TOMM40: variants seen among roughly 807,000 people sequenced by gnomAD.
TOMM40 encodes translocase of outer mitochondrial membrane 40, also known as mitochondrial import receptor subunit TOM40 homolog.
Under a neutral mutation model 38.4 loss-of-function variants are expected in TOMM40, and 9 were observed. The observed-to-expected ratio is 0.23, with a 90% CI of 0.14 to 0.41. The LOEUF (loss-of-function observed/expected upper bound fraction) is 0.41. Ranked by LOEUF, TOMM40 falls within the 10% of genes least tolerant of loss-of-function variation. The probability of loss-of-function intolerance (pLI) is 1.00; values close to 1 mark genes in which losing one functional copy is unlikely to be tolerated. For missense variants in TOMM40, 299 were observed against 486.5 expected (o/e 0.61, Z 3.63); for synonymous variants, 184 against 210.0 (o/e 0.88, Z 1.07).
intron 7 of TOMM40, 36 bp from the exon 8 acceptor site, chr19:44,901,168 GCCAC>G: frequency 6.2e-7 from 1 of 1,613,794 alleles, no homozygotes; most frequent in South Asian, 1.1e-5. Flanking sequence ...TCCAGGTGGG[GCCAC>G]TTGCTAATTC....
chr19:44,901,170 C>T, intron 7 of TOMM40, 38 bp from the exon 8 acceptor site: 3 of 1,613,752 alleles, frequency 1.9e-6, no homozygotes, highest in Non-Finnish European at 2.5e-6. Flanking sequence ...CAGGTGGGGC[C>T]ACTTGCTAAT....
chr19:44,894,920 G>T (rs1026443354), intron 5 of TOMM40, among the ~76,000 whole-genome samples: 1 of 152,224 alleles, frequency 6.6e-6, no homozygotes, highest in Non-Finnish European at 1.5e-5. Flanking sequence ...GACTCCAAAG[G>T]GGGTACCACT....
rs28480204 is a variant in TOMM40, at chr19:44,894,086, G to T, written c.643+20G>T. ...GTTCAGGTAAGAGGCGGAGGGCTTGGAGGGTGGTCACAAAACTGCAGTTCT... is the reference window on the plus strand; with the variant it reads ...GTTCAGGTAAGAGGCGGAGGGCTTGTAGGGTGGTCACAAAACTGCAGTTCT... On this transcript the variant is annotated intron_variant, in intron 5 of 8. Transcript: ENST00000426677. 1.9e-3 allele frequency: 2,831 copies of T among 1,484,938 alleles called. 22 individuals carry two copies. In the African/African-American group the frequency reaches 0.028, roughly 15 times the overall value. 92.0% of individuals were successfully genotyped at this position (1,484,938 alleles called of 1,614,324 possible).
chr19:44,892,516 T>C (rs1015625695), intron 2 of TOMM40, 56 bp downstream of exon 2: 2 of 1,527,550 alleles, frequency 1.3e-6, no homozygotes, highest in Admixed American at 3.3e-5. Flanking sequence ...TCCCCCTCCC[T>C]GCATCTGCAC....
rs35647923 is a variant in TOMM40 at position 44,894,261 on chromosome 19, C to CTTTT, written c.643+210_643+213dup. Among the ~76,000 whole-genome samples, 435 of 133,614 alleles carry CTTTT rather than the reference C, an allele frequency of 3.3e-3. 30 individuals carry two copies. The highest frequency in any genetic ancestry group is 0.01 in the African/African-American group (358 of 34,724). 87.7% of individuals were successfully genotyped at this position (133,614 alleles called of 152,430 possible). A position where few individuals can be genotyped will look rare whatever the true frequency, so the allele number is the denominator to read the frequency against. On this transcript the variant is annotated intron_variant, in intron 5 of 8. Transcript: ENST00000426677. The stretch of plus-strand genomic sequence containing the variant: ...CCATGAGTGGGTGAGTCAGAGCAGT[C>CTTTT]TTTTTTTTTTTTTTTTTTGAGATGG...
intron 5 of TOMM40, among the ~76,000 whole-genome samples, chr19:44,895,260 G>A (rs983072206): frequency 6.6e-6 from 1 of 152,122 alleles, no homozygotes; most frequent in African/African-American, 2.4e-5. Context: ...TGACTTTTGA[G>A]CTGCCAGAGG....
At chr19:44,894,787 G>A (rs534790871) in intron 5 of TOMM40, among the ~76,000 whole-genome samples, 1 of 152,270 alleles carries the variant, frequency 6.6e-6, no homozygotes, top group African/African-American at 2.4e-5. Context: ...GGAACTTGAG[G>A]GAGGATGGTC....
chr19:44,897,335 C>G (rs996881790), intron 5 of TOMM40, among the ~76,000 whole-genome samples: 5 of 152,274 alleles, frequency 3.3e-5, no homozygotes, highest in African/African-American at 1.2e-4. Flanking sequence ...TTCTAAGTCA[C>G]TCACTCTAGA....
chr19:44,897,768 C>T (rs1161759430), intron 5 of TOMM40, among the ~76,000 whole-genome samples: 6 of 118,656 alleles, frequency 5.1e-5, no homozygotes, highest in Non-Finnish European at 1.7e-5. Flanking sequence ...GAGCAAAACG[C>T]CCCATCTCAA....
intron 5 of TOMM40, among the ~76,000 whole-genome samples, chr19:44,898,078 A>C (rs550275021): frequency 6.6e-6 from 1 of 151,934 alleles, no homozygotes; most frequent in East Asian, 1.9e-4. Context: ...CCACCAGGGC[A>C]CTGGCCATGA....
At chr19:44,902,820 G>A in intron 8 of TOMM40, 1 of 577,042 alleles carries the variant, frequency 1.7e-6, no homozygotes, top group Admixed American at 3.5e-5. Context: ...GCTTTTCAGA[G>A]GGCAGGGGTC....
intron 5 of TOMM40, among the ~76,000 whole-genome samples, chr19:44,899,573 A>G (rs1287211561): frequency 6.6e-6 from 1 of 150,760 alleles, no homozygotes; most frequent in African/African-American, 2.4e-5. Flanking sequence ...TGGCCTCCCA[A>G]ACTGCTGGGA....
In TOMM40 at chr19:44,892,847, C is replaced by T. The variant is rs773770451; in HGVS notation, c.353C>T (p.Thr118Ile). 1.2e-6 allele frequency: 2 copies of T among 1,613,528 alleles called. No homozygotes were observed. The highest frequency in any genetic ancestry group is 1.7e-6 in the Non-Finnish European group (2 of 1,179,708). Reference sequence around the variant, plus strand: ...TCGCTTTCCTTCCAGGTCAACCACACAGTAGCCCTCAGCACAATCGGGGAG... The same window carrying T: ...TCGCTTTCCTTCCAGGTCAACCACATAGTAGCCCTCAGCACAATCGGGGAG... Reference protein sequence around the residue: ...GLSNHFQVNHTVALSTIGESN... With the variant: ...GLSNHFQVNHIVALSTIGESN... Residue 118 changes from threonine (T) to isoleucine (I), a missense_variant, in exon 3 of 9, where the codon ACA becomes ATA. By Grantham distance (89) the Thr-to-Ile change is moderately conservative (BLOSUM62 -1). Transcript: ENST00000426677.
intron 1 of TOMM40, 152 bp downstream of exon 1, chr19:44,891,841 T>C: frequency 1.1e-6 from 1 of 885,448 alleles, no homozygotes; most frequent in South Asian, 2.8e-5. Flanking sequence ...AACGTTGGAC[T>C]TGGGGCTTAG....
At chr19:44,892,497 TCCCCGCCGTC>T (rs1969486001) in intron 2 of TOMM40, 37 bp downstream of exon 2, 4 of 1,587,802 alleles carry the variant, frequency 2.5e-6, no homozygotes, top group Non-Finnish European at 2.6e-6. Context: ...CCAGAGATCG[TCCCCGCCGTC>T]CCCCTCCCTG....
chr19:44,899,960 C>T (rs1806808718), intron 5 of TOMM40, among the ~76,000 whole-genome samples: 1 of 151,702 alleles, frequency 6.6e-6, no homozygotes, highest in African/African-American at 2.4e-5. Flanking sequence ...TTTCCCTGTC[C>T]CTCCCTCTCT....
intron 5 of TOMM40, among the ~76,000 whole-genome samples, chr19:44,896,177 C>T (rs1568608011): frequency 6.6e-6 from 1 of 152,162 alleles, no homozygotes; most frequent in Non-Finnish European, 1.5e-5. Context: ...CCACCAGTGA[C>T]GCTTTGGTCT....
At chr19:44,900,194 G>A (rs1474486543) in intron 5 of TOMM40, among the ~76,000 whole-genome samples, 2 of 152,180 alleles carry the variant, frequency 1.3e-5, no homozygotes, top group African/African-American at 4.8e-5. Context: ...AGCCACAGCT[G>A]AGCACTCGAT....
intron 5 of TOMM40, among the ~76,000 whole-genome samples, chr19:44,899,742 C>G (rs1969641344): frequency 6.6e-6 from 1 of 151,062 alleles, no homozygotes; most frequent in Admixed American, 6.6e-5. Flanking sequence ...GTCCTCTTGC[C>G]CCAGCCCTCC....
Sources: gnomAD v4.1 joint callset for allele counts (sites outside exome capture counted in the v4.1 genomes callset) on GRCh38, gnomAD v4.1.1 for gene constraint, MANE v1.5 for transcripts, NCBI Gene and HGNC (gene_info 2026-07-23, HGNC 2026-07-21) for gene names.